TPST2: variants seen among roughly 807,000 people sequenced by gnomAD.
The protein encoded by TPST2 is tyrosylprotein sulfotransferase 2, also known as protein-tyrosine sulfotransferase 2.
TPST2 carries 16 observed loss-of-function variants against 27.8 expected under a neutral mutation model. The observed-to-expected ratio is 0.58, with a 90% CI of 0.39 to 0.88. TPST2 has a LOEUF of 0.88. TPST2 is among the 40% of genes least tolerant of loss of function. The pLI, the probability that TPST2 is intolerant of heterozygous loss-of-function variation, is 0.00. For synonymous variants in TPST2, 229 were observed against 231.7 expected, an observed-to-expected ratio of 0.99 and a Z score of 0.10; for missense variants, 464 against 543.1, an observed-to-expected ratio of 0.85 and a Z score of 1.45.
intron 1 of TPST2, among the ~76,000 whole-genome samples, chr22:26,581,223 C>G (rs543935399): frequency 6.6e-6 from 1 of 152,280 alleles, no homozygotes; most frequent in East Asian, 1.9e-4. Context: ...ACCCCTTCCT[C>G]CAGGAAGTCT....
Position 26,577,806 on chromosome 22 carries a change from G to C in TPST2, c.-161+12247C>G, listed in dbSNP as rs182141911. Among the ~76,000 whole-genome samples the C allele has an allele frequency of 2.0e-3, 300 of 151,746 alleles. 5 individuals carry two copies. The East Asian group carries it at 0.052, about 26-fold the overall frequency. On this transcript the variant is annotated intron_variant, in intron 1 of 6. Coordinates refer to ENST00000338754, the MANE Select transcript of TPST2 (RefSeq NM_003595.5). ...CCTGAGTAGCTGGGATTACAGGCTT[G>C]AGCCACCATGCCTGGCTAATTTTTG... is the stretch of plus-strand genomic sequence containing the variant.
At chr22:26,536,160 A>G (rs1476700261) in intron 4 of TPST2, 128 bp downstream of exon 4, 1 of 1,216,232 alleles carries the variant, frequency 8.2e-7, no homozygotes, top group Admixed American at 2.0e-5. Flanking sequence ...TGTGTCCATC[A>G]GACAGGAACA....
intron 1 of TPST2, among the ~76,000 whole-genome samples, chr22:26,572,851 AT>A (rs71973358): frequency 4.0e-5 from 6 of 150,632 alleles, no homozygotes; most frequent in African/African-American, 1.5e-4. Flanking sequence ...TTCACATTTT[AT>A]TTTTTTCAGG....
intron 4 of TPST2, chr22:26,535,755 C>G (rs1368633023): frequency 3.8e-6 from 1 of 264,354 alleles, no homozygotes; most frequent in Admixed American, 5.0e-5. Context: ...GCTTGGGCAA[C>G]AGAGCAAGAC....
At chr22:26,576,642 G>A (rs1927846522) in intron 1 of TPST2, among the ~76,000 whole-genome samples, 1 of 151,966 alleles carries the variant, frequency 6.6e-6, no homozygotes, top group Non-Finnish European at 1.5e-5. Flanking sequence ...GGAGGGGAAG[G>A]TAAATAATCA....
intron 1 of TPST2, among the ~76,000 whole-genome samples, chr22:26,546,994 A>C (rs1014672546): frequency 6.6e-6 from 1 of 152,266 alleles, no homozygotes; most frequent in Admixed American, 6.5e-5. Context: ...TGACCTCTGC[A>C]CTAGAACATT....
chr22:26,527,907 TC>T (rs1211865194), intron 6 of TPST2, among the ~76,000 whole-genome samples: 3 of 152,160 alleles, frequency 2.0e-5, no homozygotes, highest in African/African-American at 7.2e-5. Flanking sequence ...TTCCAGAATC[TC>T]CCCCTCCCCC....
intron 1 of TPST2, among the ~76,000 whole-genome samples, chr22:26,553,062 A>G (rs1348994781): frequency 3.4e-5 from 2 of 58,128 alleles, no homozygotes; most frequent in South Asian, 6.0e-4. Context: ...CTCCATCTCA[A>G]AAAAAAAAAA....
At chr22:26,559,587 T>A (rs1926978131) in intron 1 of TPST2, among the ~76,000 whole-genome samples, 1 of 152,186 alleles carries the variant, frequency 6.6e-6, no homozygotes, top group South Asian at 2.1e-4. Context: ...AGACCACTAC[T>A]CTACTTTCCG....
rs1034090567 is a variant in TPST2 at position 26,525,533 on chromosome 22, T to C, written c.*742A>G. On this transcript the variant is annotated 3_prime_UTR_variant, in exon 7 of 7. Coordinates refer to ENST00000338754, the MANE Select transcript of TPST2 (RefSeq NM_003595.5). ...CCGGCCTCTTTTGCTGATTTTAATGTTTATCCTTTTGCTGTAATAAACCAT... is the reference window on the plus strand; with the variant it reads ...CCGGCCTCTTTTGCTGATTTTAATGCTTATCCTTTTGCTGTAATAAACCAT... The C allele has an allele frequency of 2.6e-5, 4 of 152,256 alleles. No homozygotes were observed. Among genetic ancestry groups the C allele is most frequent in the African/African-American group, 9.6e-5 (4 of 41,456 alleles). The allele number at this position is 152,256 out of a possible 1,614,324, so 9.4% of individuals were successfully genotyped here.
chr22:26,532,681 T>G lies in TPST2; in HGVS notation c.1092+14A>C. 1 of 1,613,798 alleles carries G rather than the reference T, an allele frequency of 6.2e-7. No homozygotes were observed. ...AGAAAGACAGAATTCGGAATTCCCC[T>G]TGGGGTTTCTAACCTGAAAATATCC... On this transcript the variant is annotated intron_variant, in intron 5 of 6. Transcript: ENST00000338754.
chr22:26,531,625 A>G (rs1436467738), intron 5 of TPST2, among the ~76,000 whole-genome samples: 2 of 152,150 alleles, frequency 1.3e-5, no homozygotes, highest in African/African-American at 2.4e-5. Context: ...GTGCTTTCCA[A>G]TATCAGTGAC....
intron 1 of TPST2, among the ~76,000 whole-genome samples, chr22:26,553,060 CAAAAAAAAA>C (rs3037016): frequency 9.3e-5 from 4 of 43,172 alleles, no homozygotes; most frequent in Non-Finnish European, 1.6e-4. Context: ...AACTCCATCT[CAAAAAAAAA>C]AAAAAAAAAA....
intron 1 of TPST2, chr22:26,565,462 G>C (rs975450202): frequency 6.5e-6 from 1 of 152,748 alleles, no homozygotes; most frequent in African/African-American, 2.4e-5. Context: ...GACTGGCAGC[G>C]GGCACCTCCT....
At chr22:26,554,242 C>T (rs1300146603) in intron 1 of TPST2, among the ~76,000 whole-genome samples, 2 of 152,138 alleles carry the variant, frequency 1.3e-5, no homozygotes, top group East Asian at 3.8e-4. Context: ...AAGCTATGTG[C>T]CCCAGGTCAG....
chr22:26,576,593 T>C (rs1225712963), intron 1 of TPST2, among the ~76,000 whole-genome samples: 3 of 151,892 alleles, frequency 2.0e-5, no homozygotes, highest in African/African-American at 7.3e-5. Flanking sequence ...ATTTGGAGAA[T>C]GGCAAGGAAT....
chr22:26,575,246 C>T (rs529085388), intron 1 of TPST2, among the ~76,000 whole-genome samples: 1 of 152,310 alleles, frequency 6.6e-6, no homozygotes, highest in African/African-American at 2.4e-5. Flanking sequence ...CTGACACACA[C>T]TAGGGCATCC....
intron 1 of TPST2, among the ~76,000 whole-genome samples, chr22:26,580,189 C>G (rs994551788): frequency 1.3e-5 from 2 of 152,064 alleles, no homozygotes; most frequent in African/African-American, 4.8e-5. Context: ...GGCTGCAATG[C>G]TGCCCCTGCA....
chr22:26,562,924 A>G (rs1455861395), intron 1 of TPST2, among the ~76,000 whole-genome samples: 1 of 152,120 alleles, frequency 6.6e-6, no homozygotes, highest in Non-Finnish European at 1.5e-5. Context: ...TCAGGGAACC[A>G]TCGGTAATGT....
Sources: allele counts gnomAD v4.1 joint callset (sites outside exome capture counted in the v4.1 genomes callset), GRCh38; gene constraint gnomAD v4.1.1; transcripts MANE v1.5; gene names NCBI Gene and HGNC (gene_info 2026-07-23, HGNC 2026-07-21).